The following FLT1 variants were observed in gnomAD, a reference collection of about 807,000 sequenced individuals.
The protein encoded by FLT1 is fms related receptor tyrosine kinase 1.
A neutral mutation model predicts 156.3 loss-of-function variants in FLT1; 49 were observed. That is an observed-to-expected ratio of 0.31 (90% CI 0.25 to 0.40). FLT1 has a LOEUF of 0.40. FLT1 is among the 10% of genes least tolerant of loss of function. FLT1 has a pLI of 1.00. For missense variants in FLT1, 1,322 were observed against 1,637.2 expected (o/e 0.81, Z 3.32); for synonymous variants, 594 against 583.8 (o/e 1.02, Z -0.25).
chr13:28,368,730 G>A (rs999599849), intron 14 of FLT1: 106 of 683,052 alleles, frequency 1.6e-4, no homozygotes, highest in Non-Finnish European at 2.3e-4. Context: ...TTGAGACAGA[G>A]TTTTGCTCTT....
chr13:28,303,519 T>C, intron 29 of FLT1, 151 bp from the exon 30 acceptor site: 1 of 705,406 alleles, frequency 1.4e-6, no homozygotes, highest in Non-Finnish European at 2.4e-6. Context: ...TGCTGTCAGA[T>C]TTCCTCTGTT....
At chr13:28,474,509 C>CACACACACACACACAGACACACAG (rs1226395818) in intron 1 of FLT1, among the ~76,000 whole-genome samples, 6 of 151,822 alleles carry the variant, frequency 4.0e-5, no homozygotes, top group Non-Finnish European at 7.4e-5. Context: ...CACACACACA[C>CACACACACACACACAGACACACAG]ACACACACAC....
intron 1 of FLT1, among the ~76,000 whole-genome samples, chr13:28,485,558 C>A (rs1469519966): frequency 6.6e-6 from 1 of 152,016 alleles, no homozygotes; most frequent in Admixed American, 6.6e-5. Context: ...ACTGTATTTT[C>A]TTGGCCAAAC....
At chr13:28,415,395 T>G (rs921733393) in intron 10 of FLT1, among the ~76,000 whole-genome samples, 91 of 152,026 alleles carry the variant, frequency 6.0e-4, no homozygotes, top group African/African-American at 2.2e-3. Context: ...GTAGGATAAT[T>G]GCTTGAACCC....
rs779340198 is a variant in FLT1, at chr13:28,322,893, T to C, written c.2850A>G (p.Glu950=). The change falls in exon 21 of 30, where the codon GAA becomes GAG. Residue 950 remains glutamate, a synonymous_variant. Transcript: ENST00000282397. This position sits in a 1 kb window ranked among gnomAD's most constrained non-coding sequence, Gnocchi z 4.3. ...TATCTAGTCTTGGTTTCTTGCCTTG[T>C]TCCAGGCCTGGCTCCATTTTTTCTT... is the stretch of plus-strand genomic sequence containing the variant. ...PKKEKMEPGL[E]QGKKPRLDSV... is the part of the protein sequence containing the mutation. 3.1e-6 allele frequency: 5 copies of C among 1,614,176 alleles called. No individual in the cohort carries two copies. The Admixed American group carries it at 5.0e-5, about 16-fold the overall frequency.
intron 1 of FLT1, among the ~76,000 whole-genome samples, chr13:28,473,168 G>A (rs1880270752): frequency 6.6e-6 from 1 of 152,110 alleles, no homozygotes; most frequent in African/African-American, 2.4e-5. Flanking sequence ...TTTAAACGGT[G>A]CAACCCACTT....
rs770255292 is a variant in FLT1, at chr13:28,357,543, C to T, written c.2248+11G>A. On this transcript the variant is annotated intron_variant, in intron 15 of 29. Transcript: ENST00000282397. ...ACCAATTTCTTGTTGCTTTCTTAAGCAGCTGTTTACCTTGAACAGTGAGGT... is the reference window on the plus strand; with the variant it reads ...ACCAATTTCTTGTTGCTTTCTTAAGTAGCTGTTTACCTTGAACAGTGAGGT... 5 of 1,613,896 alleles carry T rather than the reference C, an allele frequency of 3.1e-6. No individual in the cohort carries two copies. The South Asian group carries it at 5.5e-5, about 18-fold the overall frequency.
At position 28,303,370 on chromosome 13, in the gene FLT1, TA is replaced by T. The variant is rs1870595783; in HGVS notation, c.3816-3del. Reference sequence around the variant, plus strand: ...TTACTTTTACTGGTTACTCTCAAGCTAAAGAAAGAAAGGAAAGAAATCAAAT... The same window carrying T: ...TTACTTTTACTGGTTACTCTCAAGCTAAGAAAGAAAGGAAAGAAATCAAAT... On this transcript the variant is annotated splice_polypyrimidine_tract_variant and splice_region_variant and intron_variant, in intron 29 of 29. Coordinates refer to ENST00000282397, the MANE Select transcript of FLT1 (RefSeq NM_002019.4). 6.2e-7 allele frequency: 1 copy of T among 1,612,888 alleles called. No homozygotes were observed. Among genetic ancestry groups the T allele is most frequent in the East Asian group, 2.2e-5 (1 of 44,854 alleles).
At chr13:28,377,581 TG>T in intron 14 of FLT1, among the ~76,000 whole-genome samples, 1 of 152,366 alleles carries the variant, frequency 6.6e-6, no homozygotes, top group South Asian at 2.1e-4. Flanking sequence ...TCTAGATTTT[TG>T]GTTCTTCAGA....
At chr13:28,382,959 T>C (rs1874139362) in intron 14 of FLT1, among the ~76,000 whole-genome samples, 1 of 152,238 alleles carries the variant, frequency 6.6e-6, no homozygotes, top group African/African-American at 2.4e-5. Flanking sequence ...GGAGGTTTCA[T>C]TTTGTGTAGA....
At chr13:28,370,773 A>G (rs1300736935) in intron 14 of FLT1, among the ~76,000 whole-genome samples, 23 of 151,916 alleles carry the variant, frequency 1.5e-4, no homozygotes, top group Non-Finnish European at 4.4e-5. Context: ...ACACCCACAC[A>G]CTCCTGTCCC....
intron 3 of FLT1, among the ~76,000 whole-genome samples, chr13:28,444,383 G>T (rs941133695): frequency 1.3e-5 from 2 of 151,058 alleles, no homozygotes; most frequent in East Asian, 3.9e-4. Flanking sequence ...AGATGTTGCA[G>T]TGAGCTGAGA....
In FLT1 at chr13:28,389,789, T is replaced by G; in HGVS notation, c.1969+7A>C. The G allele has an allele frequency of 6.2e-7, 1 of 1,614,234 alleles. No individual in the cohort carries two copies. Among genetic ancestry groups the G allele is most frequent in the Non-Finnish European group, 8.5e-7 (1 of 1,180,028 alleles). ...AGAGAAAACAGCCTTTTTGTTGCAG[T>G]GCTCACCTCTGATTGTAATTTCTTT... On this transcript the variant is annotated splice_region_variant and intron_variant, in intron 13 of 29. Transcript: ENST00000282397.
chr13:28,457,313 C>A (rs1366728100), intron 3 of FLT1, among the ~76,000 whole-genome samples: 1 of 152,190 alleles, frequency 6.6e-6, no homozygotes, highest in African/African-American at 2.4e-5. Flanking sequence ...TGGATTAAGA[C>A]CCACCTAAAT....
intron 11 of FLT1, among the ~76,000 whole-genome samples, chr13:28,404,386 T>C (rs1875656007): frequency 1.3e-5 from 2 of 152,260 alleles, no homozygotes; most frequent in Admixed American, 1.3e-4. Context: ...ACTTTTAAGC[T>C]GTCTTTGGGT....
rs2137411487 is a variant in FLT1 at position 28,357,685 on chromosome 13, C to G, written c.2117G>C (p.Gly706Ala). The G allele has an allele frequency of 6.2e-7, 1 of 1,613,470 alleles. No individual in the cohort carries two copies. Among genetic ancestry groups the G allele is most frequent in the Non-Finnish European group, 8.5e-7 (1 of 1,179,616 alleles). The part of the protein sequence containing the change: ...KNNHKIQQEP[G>A]IILGPGSSTL... ...GCTGCTTCCTGGTCCTAAAATAATTCCTGAGGGGTGAGAGATGTTTAGATT... is the reference window on the plus strand; with the variant it reads ...GCTGCTTCCTGGTCCTAAAATAATTGCTGAGGGGTGAGAGATGTTTAGATT... The change falls in exon 15 of 30, where the codon GGA becomes GCA. Residue 706 changes from glycine (G) to alanine (A), a missense_variant and splice_region_variant. Around this residue, in one of 3 missense-constraint regions of FLT1, gnomAD observed 991 missense variants for 1,254.8 expected, o/e 0.79. Transcript: ENST00000282397.
chr13:28,361,296 G>T (rs1873105531), intron 14 of FLT1, among the ~76,000 whole-genome samples: 1 of 151,490 alleles, frequency 6.6e-6, no homozygotes, highest in Non-Finnish European at 1.5e-5. Flanking sequence ...AAAAAAAAAA[G>T]AAATGTAAAA....
Position 28,455,818 on chromosome 13 carries a change from T to C in FLT1, c.388+11085A>G, listed in dbSNP as rs117397770. On this transcript the variant is annotated intron_variant, in intron 3 of 29. Transcript: ENST00000282397. ...AGAAAACAAACAACTCTGTTTAAAA[T>C]GGGTCATTTCACCAAAGAAGACCTA... Among the ~76,000 whole-genome samples the C allele has an allele frequency of 7.3e-3, 1,114 of 152,300 alleles. 5 individuals are homozygous for C. Among genetic ancestry groups the C allele is most frequent in the South Asian group, 0.011 (54 of 4,822 alleles).
chr13:28,351,575 A>G (rs1251586650), intron 15 of FLT1, among the ~76,000 whole-genome samples: 1 of 152,214 alleles, frequency 6.6e-6, no homozygotes, highest in Non-Finnish European at 1.5e-5. Flanking sequence ...CTGTCGATGA[A>G]GTTTTTTAGG....
Sources: gnomAD v4.1 joint callset for allele counts (sites outside exome capture counted in the v4.1 genomes callset) on GRCh38, gnomAD v4.1.1 for gene constraint, gnomAD v4.1.1 regional missense constraint, Gnocchi (gnomAD v3.1) non-coding constraint, MANE v1.5 for transcripts, NCBI Gene and HGNC (gene_info 2026-07-23, HGNC 2026-07-21) for gene names.